YWHAZ: variants seen among roughly 807,000 people sequenced by gnomAD.
The protein encoded by YWHAZ is tyrosine 3-monooxygenase/tryptophan 5-monooxygenase activation protein zeta, also known as 14-3-3 protein zeta/delta.
For missense variants in YWHAZ, 79 were observed against 284.8 expected, an observed-to-expected ratio of 0.28 and a Z score of 5.20; for synonymous variants, 87 against 103.6, an observed-to-expected ratio of 0.84 and a Z score of 0.97.
At chr8:100,927,573 T>A (rs1813451693) in intron 2 of YWHAZ, among the ~76,000 whole-genome samples, 1 of 152,204 alleles carries the variant, frequency 6.6e-6, no homozygotes, top group Non-Finnish European at 1.5e-5. Context: ...TCGGTAACTT[T>A]AACCCCCTCT....
chr8:100,938,448 C>CTA (rs1384694714), intron 2 of YWHAZ, among the ~76,000 whole-genome samples: 1 of 152,144 alleles, frequency 6.6e-6, no homozygotes, highest in Admixed American at 6.5e-5. Flanking sequence ...TTCTACAAAT[C>CTA]TATAAATTAT....
chr8:100,924,101 T>G lies in YWHAZ; in HGVS notation c.582+34A>C, dbSNP rs745454813. ...ATTTCAGTGCTCAAATAATAAAGAC[T>G]GCTAAATTTCTACGTAACAGGTAAA... On this transcript the variant is annotated intron_variant, in intron 4 of 5. Coordinates refer to ENST00000395958, the MANE Select transcript of YWHAZ (RefSeq NM_145690.3). The surrounding 1 kb of genome is among the most constrained non-coding windows in gnomAD (Gnocchi z 5.7). 6.2e-7 allele frequency: 1 copy of G among 1,608,224 alleles called. No homozygotes were observed.
rs1812801635 is a variant in YWHAZ, at chr8:100,918,410, A to ATG, written c.*2282_*2283insCA. On this transcript the variant is annotated 3_prime_UTR_variant, in exon 6 of 6. Coordinates refer to ENST00000395958, the MANE Select transcript of YWHAZ (RefSeq NM_145690.3). ...TCTAGCTATAAAATATAATTACTTT[A>ATG]TATATATATATATATATATATATAT... The ATG allele has an allele frequency of 2.1e-5, 1 of 48,700 alleles. No individual in the cohort carries two copies. Among genetic ancestry groups the ATG allele is most frequent in the Non-Finnish European group, 3.9e-5 (1 of 25,858 alleles). The allele number at this position is 48,700 out of a possible 1,614,324, so 3.0% of individuals were successfully genotyped here. A position where few individuals can be genotyped will look rare whatever the true frequency, so the allele number is the denominator to read the frequency against.
chr8:100,917,452 G>T lies in YWHAZ; in HGVS notation c.*3241C>A, dbSNP rs1185526840. The T allele has an allele frequency of 6.6e-6, 1 of 152,228 alleles. No homozygotes were observed. Among genetic ancestry groups the T allele is most frequent in the Non-Finnish European group, 1.5e-5 (1 of 68,110 alleles). The allele number at this position is 152,228 out of a possible 1,614,324, so 9.4% of individuals were successfully genotyped here. On this transcript the variant is annotated 3_prime_UTR_variant, in exon 6 of 6. Transcript: ENST00000395958. ...AAAACATACCAGGGTGGGCACAGTG[G>T]CTCACGCCTGTAATCCCAGCACTTT...
Position 100,951,940 on chromosome 8 carries a change from G to A in YWHAZ, c.-23C>T. 1 of 1,001,062 alleles carries A rather than the reference G, an allele frequency of 1.0e-6. No individual in the cohort carries two copies. The highest frequency in any genetic ancestry group is 1.2e-6 in the Non-Finnish European group (1 of 840,712). 62.0% of individuals were successfully genotyped at this position (1,001,062 alleles called of 1,614,324 possible). A position where few individuals can be genotyped will look rare whatever the true frequency, so the allele number is the denominator to read the frequency against. On this transcript the variant is annotated 5_prime_UTR_variant, in exon 1 of 6. Transcript: ENST00000395958. Reference sequence around the variant, plus strand: ...GCCGGGTTCCTCACCTGTGTCCGGAGTGGGTGGTGGCGGCGGACGGACGGG... The same window carrying A: ...GCCGGGTTCCTCACCTGTGTCCGGAATGGGTGGTGGCGGCGGACGGACGGG...
rs180856261 is a variant in YWHAZ at position 100,946,716 on chromosome 8, T to C, written c.294+1880A>G. Among the ~76,000 whole-genome samples the C allele has an allele frequency of 4.6e-5, 7 of 152,252 alleles. No homozygotes were observed. In the East Asian group the frequency reaches 1.3e-3, roughly 29 times the overall value. ...GTGTTAGTAAAAGGTAAATGTTACA[T>C]TCCTTTTTATTCCTAAAATTGACTT... On this transcript the variant is annotated intron_variant, in intron 2 of 5. Transcript: ENST00000395958.
intron 1 of YWHAZ, chr8:100,950,645 C>A: frequency 1.0e-6 from 1 of 972,642 alleles, no homozygotes. Context: ...GCCCGCGCCC[C>A]CGCCCAAGCC....
At chr8:100,926,038 A>C (rs1813337056) in intron 2 of YWHAZ, among the ~76,000 whole-genome samples, 1 of 126,482 alleles carries the variant, frequency 7.9e-6, no homozygotes, top group Non-Finnish European at 1.8e-5. Context: ...TAAATTCCAA[A>C]TCCATTCTTA....
Position 100,924,848 on chromosome 8 carries a change from G to A in YWHAZ, c.418+68C>T, listed in dbSNP as rs1445584635. 7.6e-6 allele frequency: 12 copies of A among 1,589,176 alleles called. No homozygotes were observed. Among genetic ancestry groups the A allele is most frequent in the South Asian group, 2.3e-5 (2 of 88,802 alleles). ...CAATTCAAAACAAGACATTATGTACGCTTCAGAGACTCTTCCTCACTATGT... is the reference window on the plus strand; with the variant it reads ...CAATTCAAAACAAGACATTATGTACACTTCAGAGACTCTTCCTCACTATGT... On this transcript the variant is annotated intron_variant, in intron 3 of 5. Transcript: ENST00000395958. This position sits in a 1 kb window ranked among gnomAD's most constrained non-coding sequence, Gnocchi z 5.7.
At chr8:100,933,779 G>A (rs1447242336) in intron 2 of YWHAZ, among the ~76,000 whole-genome samples, 2 of 152,152 alleles carry the variant, frequency 1.3e-5, no homozygotes, top group African/African-American at 4.8e-5. Flanking sequence ...AGGCTGAGCT[G>A]GGAGGATTGC....
intron 2 of YWHAZ, among the ~76,000 whole-genome samples, chr8:100,942,510 GC>G (rs1218320191): frequency 2.0e-5 from 3 of 152,170 alleles, no homozygotes; most frequent in Non-Finnish European, 2.9e-5. Context: ...TTACATTTGT[GC>G]CATCTAAATA....
rs1264254732 is a variant in YWHAZ, at chr8:100,918,424, A to T, written c.*2269T>A. 1 of 88,796 alleles carries T rather than the reference A, an allele frequency of 1.1e-5. No homozygotes were observed. 5.5% of individuals were successfully genotyped at this position (88,796 alleles called of 1,614,324 possible). A position where few individuals can be genotyped will look rare whatever the true frequency, so the allele number is the denominator to read the frequency against. On this transcript the variant is annotated 3_prime_UTR_variant, in exon 6 of 6. Transcript: ENST00000395958. The stretch of plus-strand genomic sequence containing the variant: ...ATAATTACTTTATATATATATATAT[A>T]TATATATATATATATATATAATTAT...
chr8:100,943,540 T>C (rs1810025574), intron 2 of YWHAZ, among the ~76,000 whole-genome samples: 1 of 152,136 alleles, frequency 6.6e-6, no homozygotes, highest in Admixed American at 6.6e-5. Context: ...TAGTTTCCCT[T>C]CCCATCAAAC....
At chr8:100,934,212 A>C (rs1813966707) in intron 2 of YWHAZ, among the ~76,000 whole-genome samples, 1 of 144,804 alleles carries the variant, frequency 6.9e-6, no homozygotes, top group African/African-American at 2.6e-5. Context: ...GTGCACTTGC[A>C]CTCCCAGCTA....
At chr8:100,951,310 G>A (rs1428345915) in intron 1 of YWHAZ, 1 of 984,532 alleles carries the variant, frequency 1.0e-6, no homozygotes, top group Non-Finnish European at 1.2e-6. Flanking sequence ...TTGGGTCCCC[G>A]AGGCCCCCGG....
At chr8:100,934,251 T>C (rs927576274) in intron 2 of YWHAZ, among the ~76,000 whole-genome samples, 1 of 150,224 alleles carries the variant, frequency 6.7e-6, no homozygotes, top group Non-Finnish European at 1.5e-5. Flanking sequence ...GAGGATCACT[T>C]GAGCACAGGA....
At chr8:100,952,755 G>A, upstream of YWHAZ, 1 of 987,222 alleles carries the variant, frequency 1.0e-6, no homozygotes, top group South Asian at 4.7e-5. Flanking sequence ...TGTGTGGTGC[G>A]CTGCCCCCCG....
rs1417316114 is a variant in YWHAZ, at chr8:100,918,443, T to TATATATATATATATATATATA, written c.*2249_*2250insTATATATATATATATATATAT. ...ATATATATATATATATATATATATA[T>TATATATATATATATATATATA]AATTATTTTACCTCCTTGGCTTGGG... is the stretch of plus-strand genomic sequence containing the variant. On this transcript the variant is annotated 3_prime_UTR_variant, in exon 6 of 6. Coordinates refer to ENST00000395958, the MANE Select transcript of YWHAZ (RefSeq NM_145690.3). 1.7e-5 allele frequency: 2 copies of TATATATATATATATATATATA among 117,056 alleles called. No individual in the cohort carries two copies. Among genetic ancestry groups the TATATATATATATATATATATA allele is most frequent in the East Asian group, 6.0e-4 (2 of 3,306 alleles). 7.3% of individuals were successfully genotyped at this position (117,056 alleles called of 1,614,324 possible). A position where few individuals can be genotyped will look rare whatever the true frequency, so the allele number is the denominator to read the frequency against.
intron 5 of YWHAZ, 32 bp from the exon 6 acceptor site, chr8:100,920,784 T>C: frequency 1.5e-6 from 1 of 673,648 alleles, no homozygotes; most frequent in Non-Finnish European, 2.1e-6. Flanking sequence ...TTTCAGCAAG[T>C]TTCAGTGGGA....
Sources: allele counts gnomAD v4.1 joint callset (sites outside exome capture counted in the v4.1 genomes callset), GRCh38; gene constraint gnomAD v4.1.1; non-coding constraint Gnocchi (gnomAD v3.1); transcripts MANE v1.5; gene names NCBI Gene and HGNC (gene_info 2026-07-23, HGNC 2026-07-21).